CHST1: variants seen among roughly 807,000 people sequenced by gnomAD.
The protein encoded by CHST1 is Keratan sulfotransferase.
A neutral mutation model predicts 22.5 loss-of-function variants in CHST1; 10 were observed. The ratio of observed to expected loss-of-function variants is 0.44; its 90% CI spans 0.27 to 0.75. The LOEUF is 0.75. CHST1 is among the 30% of genes least tolerant of loss of function. The pLI is 0.15. For missense variants in CHST1, 439 were observed against 576.1 expected (o/e 0.76, Z 2.44); for synonymous variants, 267 against 264.5 (o/e 1.01, Z -0.09).
intron 1 of CHST1, among the ~76,000 whole-genome samples, chr11:45,656,015 T>C (rs1438414435): frequency 6.6e-6 from 1 of 152,248 alleles, no homozygotes; most frequent in Non-Finnish European, 1.5e-5. Context: ...CTCGGCCTGA[T>C]CTGTGGCAGC....
Position 45,650,545 on chromosome 11 carries a change from G to C in CHST1, c.379C>G (p.Leu127Val), listed in dbSNP as rs1851981539. Residue 127 changes from leucine to valine, a missense_variant, in exon 4 of 4, where the codon CTC becomes GTC. Coordinates refer to ENST00000308064, the MANE Select transcript of CHST1 (RefSeq NM_003654.6). The stretch of plus-strand genomic sequence containing the variant: ...AGGAAGTAGAGGTCGCAGTCGTAGA[G>C]GCTCCGCAGGAGGTCGCGGCTGGCG... Reference protein sequence around the residue: ...LGASRDLLRSLYDCDLYFLEN... With the variant: ...LGASRDLLRSVYDCDLYFLEN... 6.2e-7 allele frequency: 1 copy of C among 1,613,976 alleles called. No homozygotes were observed. The highest frequency in any genetic ancestry group is 8.5e-7 in the Non-Finnish European group (1 of 1,179,978).
At chr11:45,651,167 A>G in intron 3 of CHST1, 1 of 415,318 alleles carries the variant, frequency 2.4e-6, no homozygotes, top group Non-Finnish European at 4.2e-6. Flanking sequence ...AGCTGAACAA[A>G]CATTCCTTGC....
At chr11:45,652,180 TCA>T (rs1852007041) in intron 2 of CHST1, 90 bp from the exon 3 acceptor site, 1 of 152,370 alleles carries the variant, frequency 6.6e-6, no homozygotes, top group South Asian at 2.1e-4. Context: ...GTCCTGTGCC[TCA>T]CAGTCTGCCC....
At position 45,650,466 on chromosome 11, in the gene CHST1, C is replaced by T; in HGVS notation, c.458G>A (p.Arg153His). 1.2e-6 allele frequency: 2 copies of T among 1,612,748 alleles called. No individual in the cohort carries two copies. The highest frequency in any genetic ancestry group is 1.7e-6 in the Non-Finnish European group (2 of 1,179,924). Residue 153 changes from arginine (R) to histidine (H), a missense_variant, in exon 4 of 4, where the codon CGC (arginine) becomes CAC (histidine). Transcript: ENST00000308064. ...GCAGAGGACCCGGCTGGCCCCGCGG[C>T]GGAAGATCCTGTCGGTGGTGTGGTT... ...PVNHTTDRIF[R>H]RGASRVLCSR...
intron 1 of CHST1, among the ~76,000 whole-genome samples, chr11:45,657,046 T>C (rs550759337): frequency 3.7e-4 from 56 of 152,242 alleles, no homozygotes; most frequent in Non-Finnish European, 6.5e-4. Flanking sequence ...GAACATCGTC[T>C]TTCCGGACAA....
intron 1 of CHST1, among the ~76,000 whole-genome samples, chr11:45,662,765 C>T (rs977370309): frequency 2.0e-5 from 3 of 152,154 alleles, no homozygotes; most frequent in South Asian, 2.1e-4. Context: ...GCCATGAGCC[C>T]GGGCACCTAG....
intron 1 of CHST1, among the ~76,000 whole-genome samples, chr11:45,660,505 C>G (rs984403303): frequency 6.6e-6 from 1 of 152,188 alleles, no homozygotes; most frequent in Non-Finnish European, 1.5e-5. Context: ...TCCTGGGCAG[C>G]CTTAACACTT....
rs577686908 is a variant in CHST1 at position 45,651,048 on chromosome 11, G to T, written c.-42-83C>A. 6.5e-4 allele frequency: 684 copies of T among 1,045,586 alleles called. 4 individuals carry two copies. The African/African-American group carries it at 7.9e-3, about 12-fold the overall frequency. 64.8% of individuals were successfully genotyped at this position (1,045,586 alleles called of 1,614,324 possible). ...CCTTGGAAGAGCCGGTCTCCAAGGG[G>T]CCCAGGGAAAGGCCCGGCTCCTGTC... On this transcript the variant is annotated intron_variant, in intron 3 of 3. Transcript: ENST00000308064.
At chr11:45,651,084 C>T in intron 3 of CHST1, 119 bp from the exon 4 acceptor site, 1 of 664,902 alleles carries the variant, frequency 1.5e-6, no homozygotes, top group Non-Finnish European at 2.4e-6. Flanking sequence ...CAGTGCTCAC[C>T]ACACACCCTG....
chr11:45,663,976 G>A (rs1805585430), intron 1 of CHST1, among the ~76,000 whole-genome samples: 1 of 152,204 alleles, frequency 6.6e-6, no homozygotes, highest in Admixed American at 6.5e-5. Flanking sequence ...CCACTGCTGA[G>A]GACAGGAGCC....
At chr11:45,653,866 A>G (rs1321482494) in intron 1 of CHST1, among the ~76,000 whole-genome samples, 1 of 152,138 alleles carries the variant, frequency 6.6e-6, no homozygotes, top group Non-Finnish European at 1.5e-5. Flanking sequence ...CCCTCATGCC[A>G]GCTCTATGAA....
Position 45,649,554 on chromosome 11 carries a change from TG to T in CHST1, c.*133del. 1.1e-6 allele frequency: 1 copy of T among 886,014 alleles called. No homozygotes were observed. The highest frequency in any genetic ancestry group is 1.7e-6 in the Non-Finnish European group (1 of 586,990). 54.9% of individuals were successfully genotyped at this position (886,014 alleles called of 1,614,324 possible). A position where few individuals can be genotyped will look rare whatever the true frequency, so the allele number is the denominator to read the frequency against. ...GAGACAAAAAAGGGGCAGAAGGGAG[TG>T]GGGTGAGCTGGGGGCAGGAAGGACA... On this transcript the variant is annotated 3_prime_UTR_variant, in exon 4 of 4. Coordinates refer to ENST00000308064, the MANE Select transcript of CHST1 (RefSeq NM_003654.6).
intron 1 of CHST1, among the ~76,000 whole-genome samples, chr11:45,658,529 A>C (rs923636174): frequency 9.2e-5 from 14 of 152,268 alleles, no homozygotes; most frequent in Middle Eastern, 3.4e-3. Flanking sequence ...GGGGTAAGGA[A>C]GGCACCTCAC....
Position 45,662,720 on chromosome 11 carries a change from A to G in CHST1, c.-227+2458T>C, listed in dbSNP as rs564419856. On this transcript the variant is annotated intron_variant, in intron 1 of 3. Coordinates refer to ENST00000308064, the MANE Select transcript of CHST1 (RefSeq NM_003654.6). ...CTATCAGGTCGGTGTTATTTTCTCC[A>G]TTTACAGAGGGGAAAACTGAGGCAG... Among the ~76,000 whole-genome samples, 7 of 152,222 alleles carry G rather than the reference A, an allele frequency of 4.6e-5. No individual in the cohort carries two copies. The South Asian group carries it at 1.2e-3, about 27-fold the overall frequency.
rs781766622 is a variant in CHST1, at chr11:45,649,852, CGGCCGT to C, written c.1066_1071del (p.Thr356_Ala357del). On this transcript the variant is annotated inframe_deletion, in exon 4 of 4. Coordinates refer to ENST00000308064, the MANE Select transcript of CHST1 (RefSeq NM_003654.6). Reference sequence around the variant, plus strand: ...TAGGAGAGGCGGAAGCGCCACTTCTCGGCCGTGGCCGCCGAGTTTCGCACGGTGCCG... The same window carrying C: ...TAGGAGAGGCGGAAGCGCCACTTCTCGGCCGCCGAGTTTCGCACGGTGCCG... 10 of 1,611,044 alleles carry C rather than the reference CGGCCGT, an allele frequency of 6.2e-6. No homozygotes were observed. In the Admixed American group the frequency reaches 1.7e-4, roughly 27 times the overall value.
intron 1 of CHST1, among the ~76,000 whole-genome samples, chr11:45,663,718 G>A (rs546722226): frequency 1.4e-5 from 2 of 143,016 alleles, no homozygotes; most frequent in African/African-American, 2.5e-5. Context: ...GCTGCTCACC[G>A]CCAGGATGAG....
chr11:45,661,988 A>T (rs557999151), intron 1 of CHST1, among the ~76,000 whole-genome samples: 45 of 152,318 alleles, frequency 3.0e-4, no homozygotes, highest in African/African-American at 8.2e-4. Context: ...CTCAGGCTGG[A>T]GCCCCAAGCC....
At chr11:45,657,818 T>C (rs903458313) in intron 1 of CHST1, among the ~76,000 whole-genome samples, 8 of 152,194 alleles carry the variant, frequency 5.3e-5, no homozygotes, top group Non-Finnish European at 1.0e-4. Flanking sequence ...CTCCAGAACC[T>C]GGACCACCAC....
rs774496440 is a variant in CHST1 at position 45,649,640 on chromosome 11, A to G, written c.*48T>C. 4.7e-6 allele frequency: 7 copies of G among 1,501,280 alleles called. No individual in the cohort carries two copies. In the African/African-American group the frequency reaches 7.0e-5, roughly 15 times the overall value. 93.0% of individuals were successfully genotyped at this position (1,501,280 alleles called of 1,614,324 possible). On this transcript the variant is annotated 3_prime_UTR_variant, in exon 4 of 4. Coordinates refer to ENST00000308064, the MANE Select transcript of CHST1 (RefSeq NM_003654.6). Reference sequence around the variant, plus strand: ...GCAACAGTTAAAAACGGTCCATTTTATCAAAACCGACACCTTGCGCCTCCC... The same window carrying G: ...GCAACAGTTAAAAACGGTCCATTTTGTCAAAACCGACACCTTGCGCCTCCC...
Sources: allele counts gnomAD v4.1 joint callset (sites outside exome capture counted in the v4.1 genomes callset), GRCh38; gene constraint gnomAD v4.1.1; transcripts MANE v1.5; gene names NCBI Gene and HGNC (gene_info 2026-07-23, HGNC 2026-07-21).